Variants in COL22A1 observed in about 807,000 individuals in gnomAD.
COL22A1 encodes collagen alpha-1(XXII) chain.
COL22A1 carries 221 observed loss-of-function variants against 248.9 expected under a neutral mutation model. The observed-to-expected ratio is 0.89, with a 90% CI of 0.80 to 0.99. COL22A1 has a LOEUF of 0.99. Ranked by LOEUF, COL22A1 falls within the 50% of genes least tolerant of loss-of-function variation. The pLI is 0.00. For missense variants in COL22A1, 2,240 were observed against 2,179.0 expected (o/e 1.03, Z -0.56); for synonymous variants, 891 against 793.4 (o/e 1.12, Z -2.07).
intron 13 of COL22A1, 88 bp from the exon 14 acceptor site, chr8:138,779,650 C>G (rs1460667548): frequency 2.0e-5 from 17 of 868,234 alleles, no homozygotes; most frequent in Non-Finnish European, 2.6e-5. Flanking sequence ...AGGGCCTCTG[C>G]TTCCTGCAGC....
chr8:138,767,697 A>G (rs1470366721), intron 16 of COL22A1, among the ~76,000 whole-genome samples: 2 of 152,178 alleles, frequency 1.3e-5, no homozygotes, highest in Non-Finnish European at 2.9e-5. Context: ...CAGTCTCCAG[A>G]CAGTGCACCG....
At chr8:138,834,662 G>T (rs1041250464) in intron 4 of COL22A1, among the ~76,000 whole-genome samples, 4 of 152,064 alleles carry the variant, frequency 2.6e-5, no homozygotes, top group South Asian at 4.2e-4. Context: ...GATTATTTTC[G>T]AATGTACGTC....
intron 35 of COL22A1, among the ~76,000 whole-genome samples, chr8:138,692,766 C>G (rs1827194767): frequency 6.6e-6 from 1 of 152,052 alleles, no homozygotes; most frequent in South Asian, 2.1e-4. Context: ...CTTGCCTACA[C>G]TCTGCTTCCA....
chr8:138,818,074 G>C (rs1818819981), intron 7 of COL22A1, among the ~76,000 whole-genome samples: 1 of 152,162 alleles, frequency 6.6e-6, no homozygotes. Flanking sequence ...TGGATGTTTG[G>C]AACCAGGGTT....
chr8:138,714,316 T>C (rs566769485), intron 30 of COL22A1, among the ~76,000 whole-genome samples: 1 of 152,280 alleles, frequency 6.6e-6, no homozygotes, highest in African/African-American at 2.4e-5. Flanking sequence ...GTTTGTCCCT[T>C]TATATCCACT....
intron 13 of COL22A1, 130 bp downstream of exon 13, chr8:138,780,797 C>G: frequency 1.3e-6 from 1 of 780,008 alleles, no homozygotes; most frequent in Admixed American, 2.0e-5. Context: ...TGCGAGGATC[C>G]TAATATAAAT....
Position 138,716,252 on chromosome 8 carries a change from C to A in COL22A1, c.2438G>T (p.Gly813Val). The change falls in exon 29 of 65, where the codon GGT becomes GTT. Residue 813 changes from glycine to valine, a missense_variant. Transcript: ENST00000303045. Reference sequence around the variant, plus strand: ...CTGGTCTCCTTTCTCTCCTCTCACACCTGGGAAGCCTGGAGCCCCTGGGAG... The same window carrying A: ...CTGGTCTCCTTTCTCTCCTCTCACAACTGGGAAGCCTGGAGCCCCTGGGAG... Reference protein sequence around the residue: ...AGLPGAPGFPGVRGEKGDQGE... With the variant: ...AGLPGAPGFPVVRGEKGDQGE... 6.3e-7 allele frequency: 1 copy of A among 1,591,846 alleles called. No individual in the cohort carries two copies.
chr8:138,883,265 T>C, intron 1 of COL22A1, 21 bp from the exon 2 acceptor site: 1 of 1,269,536 alleles, frequency 7.9e-7, no homozygotes, highest in South Asian at 1.4e-5. Context: ...AAAGACACCC[T>C]TAGAGAAGGC....
At chr8:138,880,291 G>C (rs901622376) in intron 2 of COL22A1, among the ~76,000 whole-genome samples, 1 of 152,178 alleles carries the variant, frequency 6.6e-6, no homozygotes, top group Non-Finnish European at 1.5e-5. Context: ...GTGAAAAGCT[G>C]TTTATAAAAT....
chr8:138,599,751 G>C (rs1817851001), intron 60 of COL22A1, among the ~76,000 whole-genome samples: 1 of 152,130 alleles, frequency 6.6e-6, no homozygotes, highest in African/African-American at 2.4e-5. Flanking sequence ...AAGGAAAAAA[G>C]AAAACATGCA....
chr8:138,590,224 T>C (rs548063370), intron 64 of COL22A1, among the ~76,000 whole-genome samples: 54 of 152,290 alleles, frequency 3.5e-4, no homozygotes, highest in African/African-American at 1.2e-3. Flanking sequence ...AATCGTCTTA[T>C]CAGAAAATAT....
chr8:138,899,153 TCTC>T (rs1403031694), intron 1 of COL22A1, among the ~76,000 whole-genome samples: 4 of 152,146 alleles, frequency 2.6e-5, no homozygotes, highest in Non-Finnish European at 4.4e-5. Context: ...TTCTCCCCTT[TCTC>T]CTTTTTCTAC....
chr8:138,672,462 G>T (rs528008356), intron 41 of COL22A1, among the ~76,000 whole-genome samples: 3 of 152,300 alleles, frequency 2.0e-5, no homozygotes, highest in African/African-American at 7.2e-5. Flanking sequence ...GGGCACTTGA[G>T]ATATTTGTTT....
intron 3 of COL22A1, among the ~76,000 whole-genome samples, chr8:138,869,440 T>A (rs937089734): frequency 8.5e-5 from 13 of 152,114 alleles, no homozygotes; most frequent in Admixed American, 5.2e-4. Flanking sequence ...CAGTGAAGTG[T>A]TTGTGTCGCA....
At chr8:138,749,240 T>A (rs1038212147) in intron 22 of COL22A1, among the ~76,000 whole-genome samples, 1 of 152,182 alleles carries the variant, frequency 6.6e-6, no homozygotes, top group African/African-American at 2.4e-5. Flanking sequence ...CTTGGGTATG[T>A]CTTTATCAGC....
intron 16 of COL22A1, among the ~76,000 whole-genome samples, chr8:138,772,294 G>C (rs1414264562): frequency 6.6e-6 from 1 of 152,210 alleles, no homozygotes; most frequent in Non-Finnish European, 1.5e-5. Flanking sequence ...AGGTGAATAA[G>C]GTGCGTTATG....
chr8:138,615,933 G>T, intron 55 of COL22A1, 68 bp downstream of exon 55: 1 of 1,150,246 alleles, frequency 8.7e-7, no homozygotes, highest in South Asian at 1.3e-5. Flanking sequence ...GGCAGTTTCT[G>T]GGTGTCACTT....
Position 138,606,371 on chromosome 8 carries a change from C to T in COL22A1, c.4104+10G>A. The T allele has an allele frequency of 6.2e-7, 1 of 1,610,422 alleles. No individual in the cohort carries two copies. Among genetic ancestry groups the T allele is most frequent in the Non-Finnish European group, 8.5e-7 (1 of 1,178,558 alleles). ...AGGTATCTTGGGCCCCACTGGGGTT[C>T]TCTGCTTACCGGAGGCCCACGGGGA... On this transcript the variant is annotated intron_variant, in intron 58 of 64. Coordinates refer to ENST00000303045, the MANE Select transcript of COL22A1 (RefSeq NM_152888.3).
chr8:138,610,989 C>A (rs186286832), intron 56 of COL22A1, among the ~76,000 whole-genome samples: 3 of 152,230 alleles, frequency 2.0e-5, no homozygotes, highest in Non-Finnish European at 2.9e-5. Flanking sequence ...TGGCTTGAAA[C>A]CAGGAGGTCG....
Sources: allele counts gnomAD v4.1 joint callset (sites outside exome capture counted in the v4.1 genomes callset), GRCh38; gene constraint gnomAD v4.1.1; transcripts MANE v1.5; gene names NCBI Gene and HGNC (gene_info 2026-07-23, HGNC 2026-07-21).